APOBEC3F: variants seen among roughly 807,000 people sequenced by gnomAD.
The protein encoded by APOBEC3F is apolipoprotein B mRNA editing enzyme catalytic subunit 3F, also known as DNA dC->dU-editing enzyme APOBEC-3F.
In APOBEC3F, 34 loss-of-function variants were observed where a neutral mutation model predicts 45.8. The observed-to-expected ratio is 0.74, with a 90% CI of 0.57 to 0.99. APOBEC3F has a LOEUF of 0.99. Among genes scored for constraint, APOBEC3F ranks in the 50% least tolerant of loss-of-function variants. The pLI is 0.00. For synonymous variants in APOBEC3F, 192 were observed against 174.4 expected (o/e 1.10, Z -0.80); for missense variants, 459 against 474.1 (o/e 0.97, Z 0.30).
intron 2 of APOBEC3F, 34 bp downstream of exon 2, chr22:39,043,124 G>T: frequency 6.2e-7 from 1 of 1,611,368 alleles, no homozygotes; most frequent in Non-Finnish European, 8.5e-7. Context: ...TTGCAGGCAG[G>T]AGCTAAGCCA....
In APOBEC3F at chr22:39,049,316, G is replaced by A. The variant is rs1927368775; in HGVS notation, c.567-109G>A. ...TCTCTCTCCCAGTCTTTCTGCCTGG[G>A]AAAGCAGCAGACATTCCCAGGGCTG... On this transcript the variant is annotated intron_variant, in intron 4 of 6. Coordinates refer to ENST00000308521, the MANE Select transcript of APOBEC3F (RefSeq NM_145298.6). 4 of 1,324,150 alleles carry A rather than the reference G, an allele frequency of 3.0e-6. No individual in the cohort carries two copies. In the South Asian group the frequency reaches 4.3e-5, roughly 14 times the overall value. The allele number at this position is 1,324,150 out of a possible 1,614,324, so 82.0% of individuals were successfully genotyped here.
rs758496258 is a variant in APOBEC3F, at chr22:39,049,522, A to T, written c.664A>T (p.Met222Leu). 1 of 1,613,870 alleles carries T rather than the reference A, an allele frequency of 6.2e-7. No individual in the cohort carries two copies. Among genetic ancestry groups the T allele is most frequent in the African/African-American group, 1.3e-5 (1 of 74,856 alleles). ...GAACGAAAGCTGGCTGTGCTTCACC[A>T]TGGAAGTTGTAAAGCACCACTCACC... ...GRNESWLCFT[M>L]EVVKHHSPVS... The change falls in exon 5 of 7, where the codon ATG (methionine) becomes TTG (leucine). Residue 222 changes from methionine (M) to leucine (L), a missense_variant. Coordinates refer to ENST00000308521, the MANE Select transcript of APOBEC3F (RefSeq NM_145298.6).
chr22:39,049,451 A>G lies in APOBEC3F; in HGVS notation c.593A>G (p.His198Arg). Residue 198 changes from histidine (H) to arginine (R), a missense_variant, in exon 5 of 7, where the codon CAC becomes CGC. Coordinates refer to ENST00000308521, the MANE Select transcript of APOBEC3F (RefSeq NM_145298.6). ...LRNPMEAMYP[H>R]IFYFHFKNLR... ...AACCCGATGGAGGCAATGTATCCAC[A>G]CATATTCTACTTCCACTTTAAAAAC... 1 of 1,614,104 alleles carries G rather than the reference A, an allele frequency of 6.2e-7. No homozygotes were observed. Among genetic ancestry groups the G allele is most frequent in the Middle Eastern group, 1.7e-4 (1 of 6,060 alleles).
At chr22:39,051,159 C>A (rs1181886642) in intron 5 of APOBEC3F, among the ~76,000 whole-genome samples, 4 of 151,568 alleles carry the variant, frequency 2.6e-5, no homozygotes. Flanking sequence ...ATCGCCTGAA[C>A]CCAGGAGGCA....
intron 4 of APOBEC3F, among the ~76,000 whole-genome samples, chr22:39,047,496 G>A (rs1310969339): frequency 6.6e-6 from 1 of 152,208 alleles, no homozygotes; most frequent in African/African-American, 2.4e-5. Flanking sequence ...GGGTGCACAT[G>A]AAGCCCCAGA....
chr22:39,044,361 T>G, intron 2 of APOBEC3F: 2 of 1,397,442 alleles, frequency 1.4e-6, no homozygotes, highest in Non-Finnish European at 1.9e-6. Flanking sequence ...CACTTTGTGA[T>G]GATGCTTCAA....
chr22:39,052,829 A>T lies in APOBEC3F; in HGVS notation c.*134A>T, dbSNP rs1208869499. 3 of 1,473,542 alleles carry T rather than the reference A, an allele frequency of 2.0e-6. No homozygotes were observed. In the Admixed American group the frequency reaches 7.4e-5, roughly 36 times the overall value. 91.3% of individuals were successfully genotyped at this position (1,473,542 alleles called of 1,614,324 possible). A position where few individuals can be genotyped will look rare whatever the true frequency, so the allele number is the denominator to read the frequency against. The stretch of plus-strand genomic sequence containing the variant: ...CCTCCTGGCCTCAGGGCCATTCCAT[A>T]GTGCTCCCCTGCCTCACCACCTCCT... On this transcript the variant is annotated 3_prime_UTR_variant, in exon 7 of 7. Coordinates refer to ENST00000308521, the MANE Select transcript of APOBEC3F (RefSeq NM_145298.6).
chr22:39,047,731 G>T (rs1002500213), intron 4 of APOBEC3F, among the ~76,000 whole-genome samples: 1 of 151,046 alleles, frequency 6.6e-6, no homozygotes, highest in Non-Finnish European at 1.5e-5. Flanking sequence ...CCCCAGCCCA[G>T]GCCCCCTGCT....
intron 5 of APOBEC3F, among the ~76,000 whole-genome samples, chr22:39,051,776 A>T (rs1169700927): frequency 6.6e-6 from 1 of 151,722 alleles, no homozygotes; most frequent in Non-Finnish European, 1.5e-5. Flanking sequence ...ACATGGTGAA[A>T]CCCAGTCTCT....
chr22:39,048,501 A>G (rs1211816313), intron 4 of APOBEC3F, among the ~76,000 whole-genome samples: 2 of 151,586 alleles, frequency 1.3e-5, no homozygotes, highest in African/African-American at 4.8e-5. Flanking sequence ...GGTGAAACCC[A>G]GTCTCTACTA....
chr22:39,048,545 C>T (rs571542064), intron 4 of APOBEC3F, among the ~76,000 whole-genome samples: 226 of 152,266 alleles, frequency 1.5e-3, no homozygotes, highest in African/African-American at 5.2e-3. Context: ...CGCGATGGCT[C>T]ACACCTGTAA....
chr22:39,052,581 T>C lies in APOBEC3F; in HGVS notation c.1008T>C (p.Phe336=), dbSNP rs1927551154. The change falls in exon 7 of 7, where the codon TTT becomes TTC. Residue 336 remains phenylalanine, a synonymous_variant. Coordinates refer to ENST00000308521, the MANE Select transcript of APOBEC3F (RefSeq NM_145298.6). ...ASVEIMGYKD[F]KYCWENFVYN... ...TTTCTCCTTGTTTTTTCTCAGATTT[T>C]AAATATTGTTGGGAAAACTTTGTGT... 6.2e-7 allele frequency: 1 copy of C among 1,612,656 alleles called. No homozygotes were observed. Among genetic ancestry groups the C allele is most frequent in the South Asian group, 1.1e-5 (1 of 90,968 alleles).
rs1272021620 is a variant in APOBEC3F at position 39,055,821 on chromosome 22, C to A, written c.*3126C>A. On this transcript the variant is annotated 3_prime_UTR_variant, in exon 7 of 7. Transcript: ENST00000308521. ...TGCATGTAGCCCCCCAGTCACGTAG[C>A]CCACGCTTGCACAATCTATCACGAC... is the stretch of plus-strand genomic sequence containing the variant. Among the ~76,000 whole-genome samples, 1 of 152,056 alleles carries A rather than the reference C, an allele frequency of 6.6e-6. No individual in the cohort carries two copies. Among genetic ancestry groups the A allele is most frequent in the African/African-American group, 2.4e-5 (1 of 41,388 alleles).
intron 5 of APOBEC3F, among the ~76,000 whole-genome samples, chr22:39,049,822 C>T (rs540500386): frequency 2.4e-4 from 36 of 151,988 alleles, no homozygotes; most frequent in African/African-American, 8.2e-4. Flanking sequence ...GTCTCAGCCT[C>T]CTGAGTAGCT....
chr22:39,049,402 G>A (rs780346083), intron 4 of APOBEC3F, 23 bp from the exon 5 acceptor site: 3 of 1,612,446 alleles, frequency 1.9e-6, no homozygotes, highest in South Asian at 2.2e-5. Flanking sequence ...CTCTGCATTG[G>A]GGTTTCTCTA....
rs370797211 is a variant in APOBEC3F at position 39,049,561 on chromosome 22, A to C, written c.703A>C (p.Arg235=). 1 of 1,614,142 alleles carries C rather than the reference A, an allele frequency of 6.2e-7. No homozygotes were observed. Among genetic ancestry groups the C allele is most frequent in the South Asian group, 1.1e-5 (1 of 91,068 alleles). ...GCACCACTCACCTGTCTCCTGGAAG[A>C]GGGGCGTCTTCCGAAACCAGGTAGC... ...VKHHSPVSWK[R]GVFRNQVDPE... is the part of the protein sequence containing the mutation. Residue 235 remains arginine, a synonymous_variant, in exon 5 of 7, where the codon AGG becomes CGG. Transcript: ENST00000308521.
chr22:39,049,645 A>G, intron 5 of APOBEC3F, 64 bp downstream of exon 5: 1 of 1,576,202 alleles, frequency 6.3e-7, no homozygotes, highest in East Asian at 2.3e-5. Context: ...CAGAAAACAC[A>G]ATAAGTGACG....
In APOBEC3F at chr22:39,045,439, T is replaced by C. The variant is rs756770421; in HGVS notation, c.463T>C (p.Cys155Arg). Residue 155 changes from cysteine to arginine, a missense_variant, in exon 4 of 7, where the codon TGC becomes CGC. Cys to Arg is a radical substitution (Grantham distance 180). Coordinates refer to ENST00000308521, the MANE Select transcript of APOBEC3F (RefSeq NM_145298.6). ...CCTCTTCGTCTCAGAATTTGCATAC[T>C]GCTGGGAAAACTTTGTGTACAGTGA... The part of the protein sequence containing the change: ...KIMDDEEFAY[C>R]WENFVYSEGQ... The C allele has an allele frequency of 4.3e-6, 7 of 1,614,012 alleles. No individual in the cohort carries two copies. Among genetic ancestry groups the C allele is most frequent in the African/African-American group, 1.3e-5 (1 of 74,904 alleles).
chr22:39,043,167 A>G, intron 2 of APOBEC3F, 77 bp downstream of exon 2: 1 of 1,516,424 alleles, frequency 6.6e-7, no homozygotes, highest in Non-Finnish European at 8.8e-7. Context: ...TGATAAGTGA[A>G]GTGCCCGGCG....
Sources: allele counts gnomAD v4.1 joint callset (sites outside exome capture counted in the v4.1 genomes callset), GRCh38; gene constraint gnomAD v4.1.1; transcripts MANE v1.5; gene names NCBI Gene and HGNC (gene_info 2026-07-23, HGNC 2026-07-21).